The following KLF15 variants were observed in gnomAD, a reference collection of about 807,000 sequenced individuals.
KLF15 encodes Krueppel-like factor 15.
KLF15 carries 4 observed loss-of-function variants against 24.6 expected under a neutral mutation model. That is an observed-to-expected ratio of 0.16 (90% CI 0.08 to 0.37). The LOEUF is 0.37. KLF15 is among the 10% of genes least tolerant of loss of function. The pLI, the probability that KLF15 is intolerant of heterozygous loss-of-function variation, is 1.00. For synonymous variants in KLF15, 246 were observed against 236.3 expected, an observed-to-expected ratio of 1.04 and a Z score of -0.37; for missense variants, 496 against 560.6, an observed-to-expected ratio of 0.88 and a Z score of 1.16.
intron 2 of KLF15, among the ~76,000 whole-genome samples, chr3:126,349,857 T>C (rs1357925270): frequency 6.6e-6 from 1 of 152,010 alleles, no homozygotes; most frequent in Admixed American, 6.5e-5. Flanking sequence ...TCCCTGGGAG[T>C]AGGGGGTCCC....
downstream of KLF15, among the ~76,000 whole-genome samples, chr3:126,337,888 T>A (rs181772764): frequency 6.6e-6 from 1 of 152,126 alleles, no homozygotes; most frequent in Non-Finnish European, 1.5e-5. Flanking sequence ...AGGAGGAAGA[T>A]GAAGGTGCTT....
chr3:126,296,864 T>C, the KLF15 span, among the ~76,000 whole-genome samples: 5 of 152,284 alleles, frequency 3.3e-5, no homozygotes, highest in African/African-American at 1.2e-4. Flanking sequence ...ATTATGTATA[T>C]ACTTTAGGGT....
rs758209681 is a variant in KLF15 at position 126,343,745 on chromosome 3, G to C, written c.1233C>G (p.Ser411=). The C allele has an allele frequency of 6.2e-6, 10 of 1,611,654 alleles. No individual in the cohort carries two copies. In the East Asian group the frequency reaches 1.8e-4, roughly 29 times the overall value. Residue 411 remains serine, a synonymous_variant, in exon 3 of 3, where the codon TCC becomes TCG. Coordinates refer to ENST00000296233, the MANE Select transcript of KLF15 (RefSeq NM_014079.4). ...KVHRFPRSSR[S]VRSVN ...GGCGCTTTCAGTTCACGGAGCGCAC[G>C]GAGCGGCTGCTCCGCGGGAAGCGGT...
chr3:126,343,673 A>G lies in KLF15; in HGVS notation c.*54T>C. ...GGCAAATAAATTATTGCTTAAAAAA[A>G]TGGGGATGGGGTGGGGATCCGGGGT... On this transcript the variant is annotated 3_prime_UTR_variant, in exon 3 of 3. Transcript: ENST00000296233. The G allele has an allele frequency of 6.5e-7, 1 of 1,529,806 alleles. No individual in the cohort carries two copies. The highest frequency in any genetic ancestry group is 8.8e-7 in the Non-Finnish European group (1 of 1,130,888). 94.8% of individuals were successfully genotyped at this position (1,529,806 alleles called of 1,614,324 possible). A position where few individuals can be genotyped will look rare whatever the true frequency, so the allele number is the denominator to read the frequency against.
At chr3:126,330,525 T>A in the KLF15 span, among the ~76,000 whole-genome samples, 5 of 145,746 alleles carry the variant, frequency 3.4e-5, no homozygotes, top group Non-Finnish European at 7.5e-5. Flanking sequence ...TCCTTTCCTA[T>A]CCTTTCAGTC....
the KLF15 span, among the ~76,000 whole-genome samples, chr3:126,293,518 C>G: frequency 2.0e-5 from 3 of 152,142 alleles, no homozygotes; most frequent in African/African-American, 7.2e-5. Flanking sequence ...TGTGTAAGCA[C>G]ACACCTGGTG....
chr3:126,345,007 C>T (rs1470668404), intron 2 of KLF15, among the ~76,000 whole-genome samples: 1 of 152,056 alleles, frequency 6.6e-6, no homozygotes, highest in Non-Finnish European at 1.5e-5. Context: ...TCCCACGACA[C>T]ACTATCCCGC....
At chr3:126,303,536 C>G in the KLF15 span, among the ~76,000 whole-genome samples, 13 of 151,880 alleles carry the variant, frequency 8.6e-5, no homozygotes, top group East Asian at 2.1e-3. Context: ...ATGTAATATG[C>G]CTTTTTCTAT....
chr3:126,321,796 C>A, the KLF15 span, among the ~76,000 whole-genome samples: 2 of 152,170 alleles, frequency 1.3e-5, no homozygotes, highest in Non-Finnish European at 2.9e-5. Flanking sequence ...GTCGCTGGGC[C>A]CTGAGTGTGC....
chr3:126,316,606 G>A, the KLF15 span, among the ~76,000 whole-genome samples: 3 of 150,486 alleles, frequency 2.0e-5, no homozygotes, highest in East Asian at 2.0e-4. Flanking sequence ...AGTGGGGAAG[G>A]GAGTGCACAG....
the KLF15 span, among the ~76,000 whole-genome samples, chr3:126,297,471 A>C: frequency 6.6e-6 from 1 of 151,972 alleles, no homozygotes; most frequent in Non-Finnish European, 1.5e-5. Flanking sequence ...TTTTTATTTC[A>C]GTCATTTTTG....
chr3:126,310,459 A>T, the KLF15 span, among the ~76,000 whole-genome samples: 1 of 152,130 alleles, frequency 6.6e-6, no homozygotes, highest in Non-Finnish European at 1.5e-5. Flanking sequence ...CCCTACAAAG[A>T]GCCCCTACTA....
chr3:126,321,680 C>T, the KLF15 span, among the ~76,000 whole-genome samples: 11 of 152,334 alleles, frequency 7.2e-5, no homozygotes, highest in Non-Finnish European at 1.6e-4. Context: ...GACATGTCCA[C>T]AGTCCACAGC....
downstream of KLF15, among the ~76,000 whole-genome samples, chr3:126,337,984 A>C (rs1362976892): frequency 6.6e-6 from 1 of 152,206 alleles, no homozygotes; most frequent in African/African-American, 2.4e-5. Flanking sequence ...TAGGATGCCC[A>C]GTGTAGTGCA....
chr3:126,352,255 A>T lies in KLF15; in HGVS notation c.668T>A (p.Ile223Asn). 1.3e-6 allele frequency: 2 copies of T among 1,538,748 alleles called. No individual in the cohort carries two copies. ...TTCCTGCTTCACAGGCACGGGCTGG[A>T]TCTGCAGCAACACTGGGATGGGGCC... is the stretch of plus-strand genomic sequence containing the variant. ...PDGPIPVLLQIQPVPVKQESG... is the reference protein window; with the variant it reads ...PDGPIPVLLQNQPVPVKQESG... The change falls in exon 2 of 3, where the codon ATC (isoleucine) becomes AAC (asparagine). Residue 223 changes from isoleucine to asparagine, a missense_variant. Ile to Asn is a moderately radical substitution (Grantham distance 149). Transcript: ENST00000296233.
intron 2 of KLF15, among the ~76,000 whole-genome samples, chr3:126,345,268 C>T (rs948532268): frequency 2.8e-4 from 42 of 152,164 alleles, no homozygotes; most frequent in African/African-American, 9.6e-4. Context: ...TTATCTTCAA[C>T]TTTTTGATGA....
the KLF15 span, among the ~76,000 whole-genome samples, chr3:126,322,340 C>T: frequency 6.6e-6 from 1 of 152,152 alleles, no homozygotes; most frequent in Admixed American, 6.5e-5. Context: ...AGGGAAACTC[C>T]GTCTCCTGTG....
the KLF15 span, among the ~76,000 whole-genome samples, chr3:126,299,198 A>G: frequency 6.6e-5 from 8 of 120,578 alleles, no homozygotes; most frequent in Non-Finnish European, 1.1e-4. Flanking sequence ...GGTTAAGTAT[A>G]TTCCTAAGTA....
chr3:126,308,354 T>A, the KLF15 span, among the ~76,000 whole-genome samples: 1 of 152,158 alleles, frequency 6.6e-6, no homozygotes, highest in Non-Finnish European at 1.5e-5. Flanking sequence ...CTGGTGTCCA[T>A]CAGTCACTGG....
Sources: gnomAD v4.1 joint callset for allele counts (sites outside exome capture counted in the v4.1 genomes callset) on GRCh38, gnomAD v4.1.1 for gene constraint, MANE v1.5 for transcripts, NCBI Gene and HGNC (gene_info 2026-07-23, HGNC 2026-07-21) for gene names.